FOXJ3: variants seen among roughly 807,000 people sequenced by gnomAD.
FOXJ3 encodes the protein forkhead box J3, also known as forkhead box protein J3.
A neutral mutation model predicts 76.1 loss-of-function variants in FOXJ3; 22 were observed. That is an observed-to-expected ratio of 0.29 (90% confidence interval 0.21 to 0.41). The LOEUF (loss-of-function observed/expected upper bound fraction) is 0.41. Ranked by LOEUF, FOXJ3 falls within the 10% of genes least tolerant of loss-of-function variation. The probability of loss-of-function intolerance (pLI) is 1.00; values close to 1 mark genes in which losing one functional copy is unlikely to be tolerated. For synonymous variants in FOXJ3, 269 were observed against 261.2 expected (o/e 1.03, Z -0.29); for missense variants, 613 against 762.1 (o/e 0.80, Z 2.30).
chr1:42,309,122 G>C (rs923619549), intron 2 of FOXJ3, among the ~76,000 whole-genome samples: 7 of 151,996 alleles, frequency 4.6e-5, no homozygotes, highest in Admixed American at 3.3e-4. Flanking sequence ...TGTGTGTGTG[G>C]CATTCTGGAA....
chr1:42,321,874 C>T (rs1164722472), intron 1 of FOXJ3, among the ~76,000 whole-genome samples: 1 of 151,708 alleles, frequency 6.6e-6, no homozygotes, highest in Non-Finnish European at 1.5e-5. Context: ...GCATCATTTT[C>T]CAGGGAAAAA....
intron 4 of FOXJ3, among the ~76,000 whole-genome samples, chr1:42,235,162 A>G (rs1648501594): frequency 6.6e-6 from 1 of 152,154 alleles, no homozygotes; most frequent in African/African-American, 2.4e-5. Flanking sequence ...CTGCTGTGCT[A>G]GCAATGAGCA....
Position 42,291,104 on chromosome 1 carries a change from A to C in FOXJ3, c.45-12432T>G, listed in dbSNP as rs12068239. ...TAGATAGACAGACAGACAGACAGAT[A>C]GATCCACAGTCACTTAATTTTTGAT... On this transcript the variant is annotated intron_variant, in intron 2 of 12. Coordinates refer to ENST00000361346, the MANE Select transcript of FOXJ3 (RefSeq NM_014947.5). Among the ~76,000 whole-genome samples, 686 of 151,270 alleles carry C rather than the reference A, an allele frequency of 4.5e-3. 5 individuals are homozygous for C. The highest frequency in any genetic ancestry group is 0.016 in the African/African-American group (659 of 40,776).
chr1:42,195,786 A>T (rs1557627449), intron 7 of FOXJ3, among the ~76,000 whole-genome samples: 1 of 152,274 alleles, frequency 6.6e-6, no homozygotes, highest in Non-Finnish European at 1.5e-5. Context: ...GTGGAAAAAT[A>T]TGAATTTTTA....
intron 2 of FOXJ3, among the ~76,000 whole-genome samples, chr1:42,284,141 CA>C (rs1377655749): frequency 6.6e-6 from 1 of 152,086 alleles, no homozygotes; most frequent in African/African-American, 2.4e-5. Flanking sequence ...TCTCTATTAG[CA>C]GATGAATGTA....
At chr1:42,234,224 T>A (rs1426106590) in intron 4 of FOXJ3, among the ~76,000 whole-genome samples, 2 of 152,240 alleles carry the variant, frequency 1.3e-5, no homozygotes, top group African/African-American at 4.8e-5. Context: ...GTCACATAGT[T>A]CTCATGCCTT....
intron 4 of FOXJ3, among the ~76,000 whole-genome samples, chr1:42,248,911 G>A (rs550587767): frequency 1.3e-5 from 2 of 151,676 alleles, no homozygotes; most frequent in East Asian, 1.9e-4. Context: ...TGCTGCCCCC[G>A]CAACCCAATA....
chr1:42,207,342 AG>A (rs1002105265), intron 5 of FOXJ3, among the ~76,000 whole-genome samples: 3 of 152,132 alleles, frequency 2.0e-5, no homozygotes, highest in Non-Finnish European at 4.4e-5. Flanking sequence ...CCTTTGCTAG[AG>A]CAACTGAACG....
intron 5 of FOXJ3, among the ~76,000 whole-genome samples, chr1:42,224,147 G>GT (rs1357412870): frequency 2.0e-4 from 30 of 152,186 alleles, no homozygotes; most frequent in Admixed American, 2.0e-3. Flanking sequence ...ACAGGAACTA[G>GT]TAAGTTGTGA....
intron 1 of FOXJ3, chr1:42,323,640 T>G: frequency 1.1e-6 from 1 of 909,724 alleles, no homozygotes; most frequent in South Asian, 5.1e-5. Context: ...TAGCTCTTAG[T>G]ATCTGTACCC....
At chr1:42,330,663 A>G (rs1570274596) in intron 1 of FOXJ3, among the ~76,000 whole-genome samples, 1 of 152,110 alleles carries the variant, frequency 6.6e-6, no homozygotes, top group East Asian at 1.9e-4. Context: ...ACAAAAAAAA[A>G]CAGTGATTCT....
intron 2 of FOXJ3, among the ~76,000 whole-genome samples, chr1:42,279,931 T>C (rs1475583422): frequency 6.6e-6 from 1 of 152,100 alleles, no homozygotes; most frequent in Non-Finnish European, 1.5e-5. Context: ...TTGAATATTA[T>C]GTATAGGATC....
At chr1:42,333,620 G>A (rs887034671) in intron 1 of FOXJ3, among the ~76,000 whole-genome samples, 1 of 152,206 alleles carries the variant, frequency 6.6e-6, no homozygotes, top group South Asian at 2.1e-4. Flanking sequence ...ATTTGCTAGG[G>A]ACCAGGAGGA....
intron 12 of FOXJ3, among the ~76,000 whole-genome samples, chr1:42,180,256 T>G (rs1646292025): frequency 6.6e-6 from 1 of 152,204 alleles, no homozygotes; most frequent in African/African-American, 2.4e-5. Context: ...ATACTGAATT[T>G]TCCCCAGCAA....
chr1:42,278,543 T>C lies in FOXJ3; in HGVS notation c.174A>G (p.Ala58=), dbSNP rs116819933. 5 of 1,614,020 alleles carry C rather than the reference T, an allele frequency of 3.1e-6. No homozygotes were observed. In the African/African-American group the frequency reaches 6.7e-5, roughly 22 times the overall value. The stretch of plus-strand genomic sequence containing the variant: ...CCAGAGTTGTATTTGGGTCAAGGAG[T>C]GCATTCTTCTTAGAAATTCCTGTTC... ...AHGTGISKKN[A]LLDPNTTLDQ... The change falls in exon 3 of 13, where the codon GCA becomes GCG. Residue 58 remains alanine (A), a synonymous_variant. Coordinates refer to ENST00000361346, the MANE Select transcript of FOXJ3 (RefSeq NM_014947.5).
chr1:42,198,972 T>C, intron 7 of FOXJ3, 130 bp downstream of exon 7: 1 of 687,718 alleles, frequency 1.5e-6, no homozygotes. Context: ...TTTGATCTAC[T>C]TACTAAGTTA....
At chr1:42,303,244 TGA>T (rs1654266740) in intron 2 of FOXJ3, among the ~76,000 whole-genome samples, 1 of 152,200 alleles carries the variant, frequency 6.6e-6, no homozygotes. Flanking sequence ...TATATATCTT[TGA>T]GTTACTTAAC....
At chr1:42,219,452 G>C (rs757755815) in intron 5 of FOXJ3, among the ~76,000 whole-genome samples, 7 of 152,174 alleles carry the variant, frequency 4.6e-5, no homozygotes, top group Non-Finnish European at 1.0e-4. Flanking sequence ...GTTTCAGGCA[G>C]CCACTGGGGG....
intron 6 of FOXJ3, among the ~76,000 whole-genome samples, chr1:42,204,426 T>C (rs1433129975): frequency 6.6e-6 from 1 of 152,130 alleles, no homozygotes; most frequent in East Asian, 1.9e-4. Context: ...ACATCCACAT[T>C]ATTTGGTCAT....
Sources: gnomAD v4.1 joint callset for allele counts (sites outside exome capture counted in the v4.1 genomes callset) on GRCh38, gnomAD v4.1.1 for gene constraint, MANE v1.5 for transcripts, NCBI Gene and HGNC (gene_info 2026-07-23, HGNC 2026-07-21) for gene names.